SRFBP1: variants seen among roughly 807,000 people sequenced by gnomAD.
SRFBP1 encodes the protein serum response factor binding protein 1.
Under a neutral mutation model 45.5 loss-of-function variants are expected in SRFBP1, and 47 were observed. That is an observed-to-expected ratio of 1.03 (90% confidence interval 0.82 to 1.32). The LOEUF (loss-of-function observed/expected upper bound fraction) is 1.32. SRFBP1 is among the 40% of genes most tolerant of loss of function. SRFBP1 has a pLI of 0.00. For synonymous variants in SRFBP1, 203 were observed against 166.3 expected, an observed-to-expected ratio of 1.22 and a Z score of -1.70; for missense variants, 621 against 484.6, an observed-to-expected ratio of 1.28 and a Z score of -2.64.
intron 1 of SRFBP1, among the ~76,000 whole-genome samples, chr5:121,970,887 A>T (rs996312933): frequency 1.3e-5 from 2 of 152,124 alleles, no homozygotes; most frequent in Non-Finnish European, 2.9e-5. Flanking sequence ...AAATAATCAG[A>T]TTAAAAGTAA....
chr5:121,982,058 G>A (rs779858311), intron 3 of SRFBP1, among the ~76,000 whole-genome samples: 6 of 151,776 alleles, frequency 4.0e-5, no homozygotes, highest in African/African-American at 9.7e-5. Flanking sequence ...TTACTAAGAA[G>A]AATCTGTAAT....
chr5:121,962,013 A>T lies in SRFBP1; in HGVS notation c.-20A>T. ...CCGGTTCACGTGCAGGCAGCGGCGGATCATATTCCTTCATCTACCATGGCT... is the reference window on the plus strand; with the variant it reads ...CCGGTTCACGTGCAGGCAGCGGCGGTTCATATTCCTTCATCTACCATGGCT... On this transcript the variant is annotated 5_prime_UTR_variant, in exon 1 of 8. Coordinates refer to ENST00000339397, the MANE Select transcript of SRFBP1 (RefSeq NM_152546.3). The T allele has an allele frequency of 6.2e-7, 1 of 1,612,810 alleles. No individual in the cohort carries two copies. The highest frequency in any genetic ancestry group is 8.5e-7 in the Non-Finnish European group (1 of 1,179,486).
intron 3 of SRFBP1, among the ~76,000 whole-genome samples, chr5:121,993,070 C>G (rs1334891528): frequency 1.3e-5 from 2 of 152,112 alleles, no homozygotes; most frequent in African/African-American, 4.8e-5. Flanking sequence ...CCAACAAATT[C>G]ACAGCCTTAG....
At chr5:122,047,160 T>G (rs939716370) in intron 2 of SRFBP1, among the ~76,000 whole-genome samples, 6 of 152,250 alleles carry the variant, frequency 3.9e-5, no homozygotes, top group African/African-American at 1.4e-4. Context: ...GGTTCTCTTC[T>G]AGGGTTTTTA....
At chr5:122,013,033 A>G (rs761875943) in intron 4 of SRFBP1, among the ~76,000 whole-genome samples, 13 of 151,954 alleles carry the variant, frequency 8.6e-5, no homozygotes, top group Non-Finnish European at 1.3e-4. Flanking sequence ...GTTGTTTCTC[A>G]TTTCTGTAAT....
chr5:122,062,617 T>C (rs947026976), intron 2 of SRFBP1, among the ~76,000 whole-genome samples: 1 of 152,028 alleles, frequency 6.6e-6, no homozygotes, highest in Non-Finnish European at 1.5e-5. Context: ...ATCACTGATA[T>C]TCTACAACTC....
intron 3 of SRFBP1, among the ~76,000 whole-genome samples, chr5:121,988,048 G>A (rs1368856833): frequency 6.6e-6 from 1 of 152,174 alleles, no homozygotes; most frequent in Non-Finnish European, 1.5e-5. Context: ...GCAAAAAGTG[G>A]CATCTAGCAC....
intron 4 of SRFBP1, among the ~76,000 whole-genome samples, chr5:122,000,764 TG>T (rs1247077151): frequency 6.6e-6 from 1 of 152,176 alleles, no homozygotes; most frequent in African/African-American, 2.4e-5. Flanking sequence ...TTGCTCTTTC[TG>T]GTTCTCTAAC....
In SRFBP1 at chr5:122,034,398, A is replaced by G. The variant is rs183740109; in HGVS notation, n.311+11991A>G. ...TTAAATTTGGTATTTAGGAAGGTTT[A>G]TGTTTCTGTTGTCCTTTTGCTTATA... On this transcript the variant is annotated intron_variant and non_coding_transcript_variant, in intron 2 of 2. Coordinates refer to the SRFBP1 transcript ENST00000504881. 2.5e-3 allele frequency among the ~76,000 whole-genome samples: 380 copies of G among 151,628 alleles called. 2 individuals are homozygous for G. Among genetic ancestry groups the G allele is most frequent in the African/African-American group, 8.3e-3 (345 of 41,342 alleles).
At chr5:121,964,908 C>G (rs1752031141) in intron 1 of SRFBP1, among the ~76,000 whole-genome samples, 1 of 152,176 alleles carries the variant, frequency 6.6e-6, no homozygotes. Context: ...GATGGTATCT[C>G]ATTGTGGTTT....
chr5:121,998,178 T>G (rs75204602), intron 4 of SRFBP1, among the ~76,000 whole-genome samples: 26 of 151,756 alleles, frequency 1.7e-4, no homozygotes, highest in South Asian at 1.0e-3. Flanking sequence ...TATACCCAAA[T>G]GACTATAAAT....
At chr5:121,977,606 T>C (rs1752329213) in intron 3 of SRFBP1, among the ~76,000 whole-genome samples, 1 of 152,138 alleles carries the variant, frequency 6.6e-6, no homozygotes, top group African/African-American at 2.4e-5. Flanking sequence ...AAACAAACTC[T>C]CAATCTCAAT....
At chr5:121,963,859 G>GA (rs573904131) in intron 1 of SRFBP1, among the ~76,000 whole-genome samples, 21 of 147,984 alleles carry the variant, frequency 1.4e-4, no homozygotes, top group Admixed American at 2.7e-4. Flanking sequence ...AAATTAGTGG[G>GA]AAAAAAAACC....
intron 4 of SRFBP1, among the ~76,000 whole-genome samples, chr5:122,017,669 G>A (rs28391435): frequency 0.21 from 32,690 of 152,054 alleles, 3,883 homozygotes; most frequent in African/African-American, 0.32. Flanking sequence ...AATTTAAATA[G>A]ATTATTCTTT....
chr5:121,996,899 G>A (rs1580515033), intron 4 of SRFBP1, among the ~76,000 whole-genome samples: 1 of 148,272 alleles, frequency 6.7e-6, no homozygotes, highest in Non-Finnish European at 1.5e-5. Flanking sequence ...AATCATGAGT[G>A]CACTCCCATT....
chr5:122,071,913 G>C (rs574032099), intron 2 of SRFBP1, among the ~76,000 whole-genome samples: 1 of 152,132 alleles, frequency 6.6e-6, no homozygotes, highest in Non-Finnish European at 1.5e-5. Context: ...CAACTCAGAA[G>C]GGTCAGTGTC....
chr5:121,999,358 A>G (rs753626723), intron 4 of SRFBP1, among the ~76,000 whole-genome samples: 16 of 152,096 alleles, frequency 1.1e-4, no homozygotes, highest in Admixed American at 2.0e-4. Context: ...ATTCTTTTCA[A>G]TGTTGTACTA....
In SRFBP1 at chr5:122,020,726, A is replaced by G; in HGVS notation, c.991A>G (p.Ile331Val). 2 of 1,611,320 alleles carry G rather than the reference A, an allele frequency of 1.2e-6. No homozygotes were observed. The highest frequency in any genetic ancestry group is 1.1e-5 in the South Asian group (1 of 90,072). Residue 331 changes from isoleucine to valine, a missense_variant, in exon 6 of 8, where the codon ATC becomes GTC. By Grantham distance (29) the Ile-to-Val change is conservative (BLOSUM62 3). Transcript: ENST00000339397. Reference sequence around the variant, plus strand: ...TCATGGGGATACAAGAAATGACAAAATCAAGCCAAGTACAGAAACCAGAAA... The same window carrying G: ...TCATGGGGATACAAGAAATGACAAAGTCAAGCCAAGTACAGAAACCAGAAA... ...ETHGDTRNDKIKPSTETRKLE... is the reference protein window; with the variant it reads ...ETHGDTRNDKVKPSTETRKLE...
rs74623430 is a variant in SRFBP1 at position 122,002,329 on chromosome 5, G to C, written c.270+7659G>C. On this transcript the variant is annotated intron_variant, in intron 4 of 7. Coordinates refer to ENST00000339397, the MANE Select transcript of SRFBP1 (RefSeq NM_152546.3). ...GGATTTCATTCTTATTCATTCTTCTGCATAATCTGATTTTCCTCATTAATT... is the reference window on the plus strand; with the variant it reads ...GGATTTCATTCTTATTCATTCTTCTCCATAATCTGATTTTCCTCATTAATT... Among the ~76,000 whole-genome samples, 766 of 152,170 alleles carry C rather than the reference G, an allele frequency of 5.0e-3. 10 individuals carry two copies. Among genetic ancestry groups the C allele is most frequent in the African/African-American group, 0.017 (724 of 41,514 alleles).
Sources: gnomAD v4.1 joint callset for allele counts (sites outside exome capture counted in the v4.1 genomes callset) on GRCh38, gnomAD v4.1.1 for gene constraint, MANE v1.5 for transcripts, NCBI Gene and HGNC (gene_info 2026-07-23, HGNC 2026-07-21) for gene names.